Variants in DISC1 observed in about 807,000 individuals in gnomAD.
The protein encoded by DISC1 is disrupted in schizophrenia 1 protein.
DISC1 carries 57 observed loss-of-function variants against 84.5 expected under a neutral mutation model. That is an observed-to-expected ratio of 0.67 (90% confidence interval 0.55 to 0.84). The LOEUF (loss-of-function observed/expected upper bound fraction) is 0.84, where lower values mean the gene tolerates loss of function less well. Among genes scored for constraint, DISC1 ranks in the 40% least tolerant of loss-of-function variants. The pLI is 0.00. For synonymous variants in DISC1, 411 were observed against 415.2 expected (o/e 0.99, Z 0.12); for missense variants, 1,000 against 1,057.8 (o/e 0.95, Z 0.76).
At chr1:231,923,696 G>A (rs1203000497) in intron 9 of DISC1, among the ~76,000 whole-genome samples, 1 of 152,202 alleles carries the variant, frequency 6.6e-6, no homozygotes, top group Non-Finnish European at 1.5e-5. Context: ...ACACGTCTCT[G>A]CTGAGACTTG....
chr1:232,015,729 G>A (rs1668435104), intron 11 of DISC1, among the ~76,000 whole-genome samples: 4 of 152,104 alleles, frequency 2.6e-5, no homozygotes. Context: ...GCTCCTGTGT[G>A]AAATTATCTT....
intron 9 of DISC1, among the ~76,000 whole-genome samples, chr1:231,937,158 A>G (rs1484317842): frequency 2.0e-5 from 3 of 152,204 alleles, no homozygotes; most frequent in Non-Finnish European, 2.9e-5. Context: ...CCATTTTATT[A>G]TATAGTTGAG....
intron 4 of DISC1, among the ~76,000 whole-genome samples, chr1:231,759,053 G>C (rs1488510199): frequency 6.6e-6 from 1 of 152,168 alleles, no homozygotes; most frequent in Non-Finnish European, 1.5e-5. Flanking sequence ...GGCTTATCAA[G>C]GCAGAGCCCC....
rs1452642173 is a variant in DISC1 at position 231,701,970 on chromosome 1, T to C, written c.1063T>C (p.Leu355=). ...RRQMEVISLR[L]KLQKLQEDAV... ...ACCAACATAGGTAATATCCTTAAGA[T>C]TAAAACTTCAGAAACTTCAGGAAGA... Residue 355 remains leucine (L), a synonymous_variant, in exon 3 of 13, where the codon TTA becomes CTA. Transcript: ENST00000439617. 2 of 1,605,508 alleles carry C rather than the reference T, an allele frequency of 1.2e-6. No homozygotes were observed. The highest frequency in any genetic ancestry group is 1.7e-6 in the Non-Finnish European group (2 of 1,175,834).
At position 232,031,080 on chromosome 1, in the gene DISC1, G is replaced by A. The variant is rs534055647; in HGVS notation, c.2425+4528G>A. Reference sequence around the variant, plus strand: ...TGAGACTGCACACTACTACACTCCAGCCTGGGCAACAAAGTAAGACACTGC... The same window carrying A: ...TGAGACTGCACACTACTACACTCCAACCTGGGCAACAAAGTAAGACACTGC... On this transcript the variant is annotated intron_variant, in intron 12 of 12. Transcript: ENST00000439617. The surrounding 1 kb of genome is among the most constrained non-coding windows in gnomAD (Gnocchi z 4.6). Among the ~76,000 whole-genome samples, 1 of 151,720 alleles carries A rather than the reference G, an allele frequency of 6.6e-6. No homozygotes were observed. The highest frequency in any genetic ancestry group is 2.1e-4 in the South Asian group (1 of 4,802).
chr1:231,960,448 T>C (rs1256590151), intron 10 of DISC1, among the ~76,000 whole-genome samples: 1 of 152,118 alleles, frequency 6.6e-6, no homozygotes, highest in Non-Finnish European at 1.5e-5. Context: ...AGATGGAGTT[T>C]CACCATGTTA....
intron 3 of DISC1, among the ~76,000 whole-genome samples, chr1:231,735,517 C>G (rs2072363944): frequency 6.6e-6 from 1 of 152,212 alleles, no homozygotes; most frequent in Non-Finnish European, 1.5e-5. Flanking sequence ...AGGATAGAAT[C>G]TTTCCTGTAG....
intron 12 of DISC1, 151 bp from the exon 13 acceptor site, chr1:232,036,541 A>T: frequency 1.6e-6 from 1 of 642,136 alleles, no homozygotes; most frequent in Non-Finnish European, 2.3e-6. Flanking sequence ...AGTTTATATT[A>T]ATATTTAATT....
At chr1:231,795,351 C>G (rs1291936978) in intron 7 of DISC1, 55 bp downstream of exon 7, 13 of 1,491,470 alleles carry the variant, frequency 8.7e-6, no homozygotes, top group Non-Finnish European at 1.0e-5. Flanking sequence ...TTTCGTTTGA[C>G]TTGATTTTAC....
chr1:231,761,853 C>T (rs555151957), intron 4 of DISC1, among the ~76,000 whole-genome samples: 2 of 152,314 alleles, frequency 1.3e-5, no homozygotes, highest in African/African-American at 4.8e-5. Context: ...TGCCAAGCCC[C>T]TACTAAGTGC....
intron 9 of DISC1, among the ~76,000 whole-genome samples, chr1:231,944,597 T>C (rs1200176125): frequency 6.6e-6 from 1 of 152,164 alleles, no homozygotes; most frequent in Non-Finnish European, 1.5e-5. Flanking sequence ...TGTTAAACTC[T>C]ACCTCAGGGT....
At chr1:231,850,639 A>G (rs1197429013) in intron 9 of DISC1, among the ~76,000 whole-genome samples, 2 of 152,258 alleles carry the variant, frequency 1.3e-5, no homozygotes, top group Non-Finnish European at 2.9e-5. Flanking sequence ...AGTTCTCTAT[A>G]CACTAAAAAA....
At chr1:231,999,020 A>G (rs1015455675) in intron 10 of DISC1, among the ~76,000 whole-genome samples, 1 of 152,182 alleles carries the variant, frequency 6.6e-6, no homozygotes, top group Non-Finnish European at 1.5e-5. Flanking sequence ...AAACATAAAT[A>G]TGATCTTACA....
intron 10 of DISC1, among the ~76,000 whole-genome samples, chr1:231,966,294 C>T (rs1572389730): frequency 1.3e-5 from 2 of 152,220 alleles, no homozygotes; most frequent in African/African-American, 4.8e-5. Flanking sequence ...CCCACTTACT[C>T]TCACTCCTTC....
intron 3 of DISC1, among the ~76,000 whole-genome samples, chr1:231,746,960 A>C (rs1474516557): frequency 1.3e-5 from 2 of 151,870 alleles, no homozygotes; most frequent in African/African-American, 2.4e-5. Context: ...AAAGGGTCTC[A>C]CTCTATTCCC....
At chr1:231,872,749 G>A (rs2085558841) in intron 9 of DISC1, among the ~76,000 whole-genome samples, 1 of 152,034 alleles carries the variant, frequency 6.6e-6, no homozygotes, top group Non-Finnish European at 1.5e-5. Flanking sequence ...TTGGAAACCA[G>A]TTGAAGAAAA....
Position 232,009,265 on chromosome 1 carries a change from T to C in DISC1, c.2307+216T>C, listed in dbSNP as rs535821655. Reference sequence around the variant, plus strand: ...GAGCAAAAAAACCCAACTTTTGGCATATTTAGTTCCATTTTCATTCTAATT... The same window carrying C: ...GAGCAAAAAAACCCAACTTTTGGCACATTTAGTTCCATTTTCATTCTAATT... On this transcript the variant is annotated intron_variant, in intron 11 of 12. Coordinates refer to ENST00000439617, the MANE Select transcript of DISC1 (RefSeq NM_018662.3). This position sits in a 1 kb window ranked among gnomAD's most constrained non-coding sequence, Gnocchi z 4.6. 2.2e-6 allele frequency: 3 copies of C among 1,360,206 alleles called. No homozygotes were observed. Among genetic ancestry groups the C allele is most frequent in the Non-Finnish European group, 2.8e-6 (3 of 1,057,222 alleles). 84.3% of individuals were successfully genotyped at this position (1,360,206 alleles called of 1,614,324 possible).
chr1:231,794,027 AC>A (rs968811075), intron 6 of DISC1, among the ~76,000 whole-genome samples: 1 of 151,866 alleles, frequency 6.6e-6, no homozygotes, highest in Non-Finnish European at 1.5e-5. Flanking sequence ...CAGGTGATCC[AC>A]CCCCCAAGGC....
intron 3 of DISC1, chr1:231,720,727 G>T: frequency 2.8e-6 from 2 of 716,018 alleles, no homozygotes; most frequent in Non-Finnish European, 4.1e-6. Context: ...TTTTTCCCTT[G>T]GGGCTTTCTG....
Sources: allele counts gnomAD v4.1 joint callset (sites outside exome capture counted in the v4.1 genomes callset), GRCh38; gene constraint gnomAD v4.1.1; non-coding constraint Gnocchi (gnomAD v3.1); transcripts MANE v1.5; gene names NCBI Gene and HGNC (gene_info 2026-07-23, HGNC 2026-07-21).